SMCO3: variants seen among roughly 807,000 people sequenced by gnomAD.
SMCO3 encodes single-pass membrane protein with coiled-coil domains 3, also known as single-pass membrane and coiled-coil domain-containing protein 3.
Under a neutral mutation model 12.0 loss-of-function variants are expected in SMCO3, and 6 were observed. That is an observed-to-expected ratio of 0.50 (90% CI 0.27 to 0.99). The LOEUF (loss-of-function observed/expected upper bound fraction) is 0.99. Among genes scored for constraint, SMCO3 ranks in the 50% least tolerant of loss-of-function variants. SMCO3 has a pLI of 0.11. For synonymous variants in SMCO3, 96 were observed against 96.4 expected (o/e 1.00, Z 0.02); for missense variants, 279 against 265.0 (o/e 1.05, Z -0.37).
intron 1 of SMCO3, among the ~76,000 whole-genome samples, chr12:14,811,640 A>G (rs549483441): frequency 1.3e-5 from 2 of 152,378 alleles, no homozygotes; most frequent in East Asian, 3.9e-4. Context: ...AAGATATGGT[A>G]GAAATATGCT....
chr12:14,809,811 T>C (rs1020445483), intron 1 of SMCO3, among the ~76,000 whole-genome samples: 3 of 152,176 alleles, frequency 2.0e-5, no homozygotes, highest in Non-Finnish European at 4.4e-5. Flanking sequence ...AGTATTGTTA[T>C]TATTTTCAAA....
rs886780218 is a variant in SMCO3, at chr12:14,805,486, T to C, written c.*517A>G. Reference sequence around the variant, plus strand: ...CATTGTTACAAACCATTTTTCAGTCTCTTCTAGTTTACAGAAAACCAGATT... The same window carrying C: ...CATTGTTACAAACCATTTTTCAGTCCCTTCTAGTTTACAGAAAACCAGATT... On this transcript the variant is annotated 3_prime_UTR_variant, in exon 2 of 2. Coordinates refer to ENST00000316048, the MANE Select transcript of SMCO3 (RefSeq NM_001013698.2). The C allele has an allele frequency of 3.9e-5, 6 of 152,722 alleles. No individual in the cohort carries two copies. The highest frequency in any genetic ancestry group is 1.4e-4 in the African/African-American group (6 of 41,466). 9.5% of individuals were successfully genotyped at this position (152,722 alleles called of 1,614,324 possible).
rs1346454583 is a variant in SMCO3, at chr12:14,804,801, GC to G, written c.*1201del. On this transcript the variant is annotated 3_prime_UTR_variant, in exon 2 of 2. Coordinates refer to ENST00000316048, the MANE Select transcript of SMCO3 (RefSeq NM_001013698.2). Reference sequence around the variant, plus strand: ...TGGAAATATTAAAGTCTTTCATGTAGCTAAAATTTTATATGTAGCTACTATT... The same window carrying G: ...TGGAAATATTAAAGTCTTTCATGTAGTAAAATTTTATATGTAGCTACTATT... 1.3e-5 allele frequency: 2 copies of G among 152,172 alleles called. No individual in the cohort carries two copies. The allele number at this position is 152,172 out of a possible 1,614,324, so 9.4% of individuals were successfully genotyped here.
intron 1 of SMCO3, among the ~76,000 whole-genome samples, chr12:14,807,237 T>G (rs1950065913): frequency 6.6e-6 from 1 of 152,232 alleles, no homozygotes; most frequent in African/African-American, 2.4e-5. Flanking sequence ...AGTTATTAGA[T>G]TTTGTGGTGG....
chr12:14,811,076 A>T (rs1307776343), intron 1 of SMCO3, among the ~76,000 whole-genome samples: 3 of 152,242 alleles, frequency 2.0e-5, no homozygotes, highest in Non-Finnish European at 4.4e-5. Context: ...TATTTAATCC[A>T]GCTCTAATTA....
intron 1 of SMCO3, among the ~76,000 whole-genome samples, chr12:14,809,806 T>A (rs1253502625): frequency 1.3e-5 from 2 of 152,056 alleles, no homozygotes; most frequent in East Asian, 3.8e-4. Context: ...AAAAAAGTAT[T>A]GTTATTATTT....
intron 1 of SMCO3, among the ~76,000 whole-genome samples, chr12:14,810,974 A>T (rs1431971586): frequency 6.6e-6 from 1 of 152,210 alleles, no homozygotes; most frequent in African/African-American, 2.4e-5. Flanking sequence ...TGTGCCCGAG[A>T]GGAGTTCTGA....
At chr12:14,809,236 C>G (rs777962009) in intron 1 of SMCO3, among the ~76,000 whole-genome samples, 4 of 152,170 alleles carry the variant, frequency 2.6e-5, no homozygotes, top group Admixed American at 6.5e-5. Flanking sequence ...AGAAATGAAC[C>G]TTCCTCCTGG....
At chr12:14,807,891 C>G (rs1157362854) in intron 1 of SMCO3, among the ~76,000 whole-genome samples, 1 of 152,136 alleles carries the variant, frequency 6.6e-6, no homozygotes, top group Non-Finnish European at 1.5e-5. Flanking sequence ...AGGGGCCGGG[C>G]ATGGTGGCTC....
intron 1 of SMCO3, among the ~76,000 whole-genome samples, chr12:14,812,564 T>A (rs1950158205): frequency 6.6e-6 from 1 of 152,228 alleles, no homozygotes. Flanking sequence ...CCCACAGATT[T>A]TTTTTCCTCC....
At chr12:14,811,555 G>C (rs1456644833) in intron 1 of SMCO3, among the ~76,000 whole-genome samples, 1 of 152,240 alleles carries the variant, frequency 6.6e-6, no homozygotes, top group Non-Finnish European at 1.5e-5. Flanking sequence ...GTTAGCTTGA[G>C]ATGGATGCTT....
intron 1 of SMCO3, among the ~76,000 whole-genome samples, chr12:14,810,191 G>C (rs1465303019): frequency 1.3e-5 from 2 of 152,054 alleles, no homozygotes. Context: ...GGGTTTTCTT[G>C]TGCTAACATA....
intron 1 of SMCO3, among the ~76,000 whole-genome samples, chr12:14,812,887 G>T (rs1276284434): frequency 1.3e-5 from 2 of 152,128 alleles, no homozygotes; most frequent in African/African-American, 4.8e-5. Flanking sequence ...ATATTTCCCA[G>T]TCAAAGATGG....
At chr12:14,810,064 T>C (rs1020475199) in intron 1 of SMCO3, among the ~76,000 whole-genome samples, 1 of 152,226 alleles carries the variant, frequency 6.6e-6, no homozygotes, top group African/African-American at 2.4e-5. Flanking sequence ...AATAACGAGT[T>C]TGGCTAAAGA....
At chr12:14,808,336 C>T (rs1950084798) in intron 1 of SMCO3, among the ~76,000 whole-genome samples, 1 of 151,816 alleles carries the variant, frequency 6.6e-6, no homozygotes, top group Non-Finnish European at 1.5e-5. Flanking sequence ...ACTCAATATG[C>T]ATACTTTGAG....
At chr12:14,812,804 C>CCT (rs777455822) in intron 1 of SMCO3, among the ~76,000 whole-genome samples, 1 of 151,580 alleles carries the variant, frequency 6.6e-6, no homozygotes, top group East Asian at 1.9e-4. Context: ...AGGTTTGTTC[C>CCT]CTGACTATAC....
intron 1 of SMCO3, 37 bp from the exon 2 acceptor site, chr12:14,806,733 TA>T: frequency 2.6e-6 from 4 of 1,518,276 alleles, no homozygotes; most frequent in Non-Finnish European, 3.5e-6. Context: ...CTGAAAGTCT[TA>T]AAAAATGTCT....
chr12:14,808,273 C>T (rs12820754), intron 1 of SMCO3, among the ~76,000 whole-genome samples: 275 of 152,170 alleles, frequency 1.8e-3, no homozygotes, highest in Admixed American at 4.3e-3. Flanking sequence ...TCATGCTCTT[C>T]TGTGTTTATT....
chr12:14,805,907 A>T lies in SMCO3; in HGVS notation c.*96T>A, dbSNP rs1950040081. On this transcript the variant is annotated 3_prime_UTR_variant, in exon 2 of 2. Transcript: ENST00000316048. ...AATTGTTTATCTTATTTAAGTCCAT[A>T]TTGGAAGCCTATAGAAAATGAACCT... 8.2e-7 allele frequency: 1 copy of T among 1,226,168 alleles called. No individual in the cohort carries two copies. The highest frequency in any genetic ancestry group is 1.5e-5 in the African/African-American group (1 of 65,798). 76.0% of individuals were successfully genotyped at this position (1,226,168 alleles called of 1,614,324 possible). A position where few individuals can be genotyped will look rare whatever the true frequency, so the allele number is the denominator to read the frequency against.
Sources: allele counts gnomAD v4.1 joint callset (sites outside exome capture counted in the v4.1 genomes callset), GRCh38; gene constraint gnomAD v4.1.1; transcripts MANE v1.5; gene names NCBI Gene and HGNC (gene_info 2026-07-23, HGNC 2026-07-21).